Variants in MROH9 observed in about 807,000 individuals in gnomAD.
MROH9 encodes maestro heat-like repeat-containing protein family member 9.
In MROH9, 92 loss-of-function variants were observed where a neutral mutation model predicts 98.2. That is an observed-to-expected ratio of 0.94 (90% confidence interval 0.79 to 1.11). The LOEUF is 1.11. Ranked by LOEUF, MROH9 falls within the 50% of genes most tolerant of loss-of-function variation. The pLI is 0.00. For missense variants in MROH9, 1,057 were observed against 1,014.8 expected (o/e 1.04, Z -0.57); for synonymous variants, 397 against 368.9 (o/e 1.08, Z -0.87).
rs3077629 is a variant in MROH9 at position 171,024,303 on chromosome 1, GGTGTGTGT to G, written c.1909-71_1909-64del. On this transcript the variant is annotated intron_variant, in intron 17 of 21. Transcript: ENST00000367759. The stretch of plus-strand genomic sequence containing the variant: ...ATACATATATAGTATATTTATATGG[GGTGTGTGT>G]GTGTGTGTGTGTGTGTGTGTAGATT... 1.3e-4 allele frequency: 90 copies of G among 670,070 alleles called. No individual in the cohort carries two copies. In the Middle Eastern group the frequency reaches 1.5e-3, roughly 11 times the overall value. 41.5% of individuals were successfully genotyped at this position (670,070 alleles called of 1,614,324 possible). A position where few individuals can be genotyped will look rare whatever the true frequency, so the allele number is the denominator to read the frequency against.
At chr1:171,000,275 G>GT (rs143694065) in intron 15 of MROH9, among the ~76,000 whole-genome samples, 13,601 of 151,630 alleles carry the variant, frequency 0.09, 719 homozygotes, top group Middle Eastern at 0.17. Context: ...ATGTCTAGAA[G>GT]TTTTTTTTCC....
At chr1:170,949,305 G>A (rs1282436067) in intron 3 of MROH9, among the ~76,000 whole-genome samples, 2 of 151,900 alleles carry the variant, frequency 1.3e-5, no homozygotes, top group African/African-American at 4.8e-5. Flanking sequence ...AATGGAGAGG[G>A]GTGGTCTAAA....
At chr1:170,967,302 C>T (rs1481195522) in intron 7 of MROH9, among the ~76,000 whole-genome samples, 1 of 152,120 alleles carries the variant, frequency 6.6e-6, no homozygotes, top group African/African-American at 2.4e-5. Flanking sequence ...TAGAATCAAC[C>T]AGCTCATCAC....
Position 170,959,555 on chromosome 1 carries a change from A to G in MROH9, c.246A>G (p.Val82=). 3 of 1,613,850 alleles carry G rather than the reference A, an allele frequency of 1.9e-6. No homozygotes were observed. Among genetic ancestry groups the G allele is most frequent in the East Asian group, 2.2e-5 (1 of 44,856 alleles). Residue 82 remains valine (V), a synonymous_variant, in exon 5 of 22, where the codon GTA becomes GTG. Coordinates refer to ENST00000367759, the MANE Select transcript of MROH9 (RefSeq NM_001163629.2). ...MLVVMPSLDK[V]KEMGSSYEYI... is the part of the protein sequence containing the mutation. ...TTGTCATGCCAAGTCTTGACAAAGTAAAAGAAATGGGGAGCAGTTATGAGT... is the reference window on the plus strand; with the variant it reads ...TTGTCATGCCAAGTCTTGACAAAGTGAAAGAAATGGGGAGCAGTTATGAGT...
At chr1:171,013,204 C>CCATA (rs1397637233) in intron 15 of MROH9, among the ~76,000 whole-genome samples, 1 of 152,098 alleles carries the variant, frequency 6.6e-6, no homozygotes, top group East Asian at 1.9e-4. Context: ...TTCAATAGTC[C>CCATA]CATAGATCAG....
chr1:171,058,818 T>C lies in MROH9; in HGVS notation c.2282-3314T>C, dbSNP rs529537050. Among the ~76,000 whole-genome samples the C allele has an allele frequency of 2.4e-4, 36 of 152,314 alleles. 1 individual carries two copies. The South Asian group carries it at 7.2e-3, about 31-fold the overall frequency. On this transcript the variant is annotated intron_variant, in intron 20 of 21. Transcript: ENST00000367759. Reference sequence around the variant, plus strand: ...TGCAGAAAACTGAAACTGGACCCTTTCCTTACACCTTATACAAAAATTAAC... The same window carrying C: ...TGCAGAAAACTGAAACTGGACCCTTCCCTTACACCTTATACAAAAATTAAC...
chr1:171,033,344 T>A (rs1206916373), intron 20 of MROH9, among the ~76,000 whole-genome samples: 1 of 152,244 alleles, frequency 6.6e-6, no homozygotes, highest in African/African-American at 2.4e-5. Context: ...GATGAGAGGC[T>A]GTTAAGAGTC....
chr1:171,013,426 T>G (rs1327233686), intron 15 of MROH9, among the ~76,000 whole-genome samples: 1 of 152,164 alleles, frequency 6.6e-6, no homozygotes, highest in Non-Finnish European at 1.5e-5. Flanking sequence ...TATGAGAATC[T>G]AAACTAATGC....
intron 11 of MROH9, 34 bp from the exon 12 acceptor site, chr1:170,992,130 A>G: frequency 3.9e-6 from 6 of 1,556,352 alleles, no homozygotes; most frequent in Non-Finnish European, 5.2e-6. Context: ...GACAAACATG[A>G]TTCTCATTGT....
intron 10 of MROH9, among the ~76,000 whole-genome samples, chr1:170,988,019 G>A (rs553390463): frequency 6.6e-6 from 1 of 152,292 alleles, no homozygotes; most frequent in South Asian, 2.1e-4. Context: ...GGGACCACAG[G>A]AACAATGGCA....
At chr1:170,991,636 A>G (rs1252571599) in intron 11 of MROH9, among the ~76,000 whole-genome samples, 1 of 152,196 alleles carries the variant, frequency 6.6e-6, no homozygotes, top group Non-Finnish European at 1.5e-5. Context: ...GGATTTTAAT[A>G]GCATCTGTGT....
chr1:171,027,319 C>T (rs998162310), intron 20 of MROH9, among the ~76,000 whole-genome samples: 1 of 152,110 alleles, frequency 6.6e-6, no homozygotes, highest in Non-Finnish European at 1.5e-5. Flanking sequence ...ATTTTCTGTT[C>T]CTGTATTAGT....
chr1:170,980,234 A>C (rs926183428), intron 8 of MROH9, among the ~76,000 whole-genome samples: 2 of 152,340 alleles, frequency 1.3e-5, no homozygotes, highest in East Asian at 3.9e-4. Context: ...TTAGAAAAAA[A>C]CTATTTTAAA....
intron 20 of MROH9, among the ~76,000 whole-genome samples, chr1:171,040,151 TA>T (rs1480882399): frequency 6.6e-6 from 1 of 151,992 alleles, no homozygotes; most frequent in Non-Finnish European, 1.5e-5. Context: ...AAATCTTTTT[TA>T]AAAAGTCAAA....
At chr1:171,052,192 A>G (rs184614905) in intron 20 of MROH9, among the ~76,000 whole-genome samples, 1 of 152,350 alleles carries the variant, frequency 6.6e-6, no homozygotes, top group East Asian at 1.9e-4. Flanking sequence ...TGCTTATAGT[A>G]GTCTCTGATG....
chr1:170,971,710 G>A (rs751414030), intron 7 of MROH9, 38 bp from the exon 8 acceptor site: 25 of 1,610,408 alleles, frequency 1.6e-5, no homozygotes, highest in Non-Finnish European at 1.9e-5. Flanking sequence ...TATTGGCTAT[G>A]CATAGCAAAT....
intron 20 of MROH9, among the ~76,000 whole-genome samples, chr1:171,026,208 T>C (rs1652705988): frequency 6.6e-6 from 1 of 151,354 alleles, no homozygotes; most frequent in Admixed American, 6.6e-5. Context: ...CACAGGCACG[T>C]GCGCGCACAC....
intron 17 of MROH9, among the ~76,000 whole-genome samples, chr1:171,022,889 T>C (rs1013188851): frequency 3.9e-5 from 6 of 152,170 alleles, no homozygotes; most frequent in African/African-American, 1.4e-4. Context: ...CCAATTTTCA[T>C]GTAAAGAAAC....
At position 170,975,826 on chromosome 1, in the gene MROH9, G is replaced by A. The variant is rs28784116; in HGVS notation, c.616+3943G>A. Among the ~76,000 whole-genome samples the A allele has an allele frequency of 8.8e-3, 1,347 of 152,272 alleles. 14 individuals are homozygous for A. Among genetic ancestry groups the A allele is most frequent in the Non-Finnish European group, 0.013 (894 of 68,026 alleles). On this transcript the variant is annotated intron_variant, in intron 8 of 21. Coordinates refer to ENST00000367759, the MANE Select transcript of MROH9 (RefSeq NM_001163629.2). ...CTAAGAACTTGCTGTATGAATCTGG[G>A]TGCTCCTGTGTTGGGTGCATATTTA...
Sources: allele counts gnomAD v4.1 joint callset (sites outside exome capture counted in the v4.1 genomes callset), GRCh38; gene constraint gnomAD v4.1.1; transcripts MANE v1.5; gene names NCBI Gene and HGNC (gene_info 2026-07-23, HGNC 2026-07-21).